Variants in METAP2 observed in about 807,000 individuals in gnomAD.
METAP2 encodes methionine aminopeptidase 2.
A neutral mutation model predicts 59.4 loss-of-function variants in METAP2; 25 were observed. That is an observed-to-expected ratio of 0.42 (90% CI 0.31 to 0.59). The LOEUF (loss-of-function observed/expected upper bound fraction) is 0.59, where lower values mean the gene tolerates loss of function less well. Among genes scored for constraint, METAP2 ranks in the 20% least tolerant of loss-of-function variants. METAP2 has a pLI of 0.16. For missense variants in METAP2, 366 were observed against 581.2 expected (o/e 0.63, Z 3.81); for synonymous variants, 214 against 194.1 (o/e 1.10, Z -0.85).
At chr12:95,479,561 T>G (rs2076143815) in intron 2 of METAP2, among the ~76,000 whole-genome samples, 1 of 152,198 alleles carries the variant, frequency 6.6e-6, no homozygotes. Flanking sequence ...ATTCAATACA[T>G]TTTGAGTCAG....
intron 2 of METAP2, among the ~76,000 whole-genome samples, chr12:95,480,617 A>G (rs1249064091): frequency 6.6e-6 from 1 of 152,110 alleles, no homozygotes; most frequent in Non-Finnish European, 1.5e-5. Flanking sequence ...AATGATATTG[A>G]GCATCTTTTC....
intron 2 of METAP2, among the ~76,000 whole-genome samples, chr12:95,478,169 TCTGTTA>T (rs2076134578): frequency 1.3e-5 from 2 of 152,168 alleles, no homozygotes; most frequent in Admixed American, 6.5e-5. Context: ...GTTATCTTGT[TCTGTTA>T]CATCTCTACA....
At chr12:95,505,937 AC>A (rs201186734) in intron 8 of METAP2, among the ~76,000 whole-genome samples, 4,204 of 151,166 alleles carry the variant, frequency 0.028, 181 homozygotes, top group African/African-American at 0.097. Flanking sequence ...TCTACTAAAT[AC>A]AAAAAAAAAA....
chr12:95,495,729 A>T (rs149542174), intron 6 of METAP2, among the ~76,000 whole-genome samples: 1 of 152,078 alleles, frequency 6.6e-6, no homozygotes. Flanking sequence ...GTTTCTGTTT[A>T]TATGTTTGTA....
chr12:95,495,935 T>G (rs1160524908), intron 6 of METAP2, 69 bp from the exon 7 acceptor site: 4 of 931,458 alleles, frequency 4.3e-6, no homozygotes. Context: ...GATTAATAGA[T>G]TAAATGCTGT....
chr12:95,498,531 C>T (rs565616302), intron 7 of METAP2, among the ~76,000 whole-genome samples: 2 of 152,216 alleles, frequency 1.3e-5, no homozygotes, highest in East Asian at 1.9e-4. Flanking sequence ...GAAGCTTTTA[C>T]TCCGTTTCCT....
intron 4 of METAP2, among the ~76,000 whole-genome samples, chr12:95,493,625 A>G (rs1032859153): frequency 1.3e-5 from 2 of 152,222 alleles, no homozygotes; most frequent in African/African-American, 4.8e-5. Context: ...TTTCCAAGTC[A>G]GTTTCTTGGG....
chr12:95,487,942 A>G (rs762311231), intron 4 of METAP2, among the ~76,000 whole-genome samples: 3 of 152,186 alleles, frequency 2.0e-5, no homozygotes, highest in South Asian at 4.1e-4. Flanking sequence ...AATTTTTGCC[A>G]CTATAAACCA....
intron 4 of METAP2, among the ~76,000 whole-genome samples, chr12:95,491,575 G>GA (rs1304428473): frequency 6.8e-6 from 1 of 147,668 alleles, no homozygotes; most frequent in African/African-American, 2.5e-5. Context: ...CAGTGGTGCA[G>GA]TCTTGGCTCA....
At chr12:95,475,011 C>A (rs1235530239) in intron 1 of METAP2, among the ~76,000 whole-genome samples, 1 of 152,152 alleles carries the variant, frequency 6.6e-6, no homozygotes, top group East Asian at 1.9e-4. Context: ...ATAGGATATT[C>A]TGTGGCTCAG....
intron 4 of METAP2, among the ~76,000 whole-genome samples, chr12:95,487,378 C>G (rs897664796): frequency 6.6e-6 from 1 of 151,992 alleles, no homozygotes; most frequent in African/African-American, 2.4e-5. Context: ...ACCACCTGCT[C>G]CCTCATTTCC....
intron 2 of METAP2, chr12:95,482,205 G>C (rs2076163711): frequency 4.4e-6 from 2 of 450,672 alleles, no homozygotes. Flanking sequence ...GACTTCCCTG[G>C]CTCAGGTGAT....
intron 4 of METAP2, among the ~76,000 whole-genome samples, 156 bp downstream of exon 4, chr12:95,486,137 T>C (rs913075667): frequency 2.6e-5 from 4 of 152,312 alleles, no homozygotes; most frequent in African/African-American, 9.6e-5. Context: ...TTATCCAAAA[T>C]GATTGGGACC....
chr12:95,495,092 A>G lies in METAP2; in HGVS notation c.726A>G (p.Leu242=). The change falls in exon 6 of 11, where the codon TTA becomes TTG. Residue 242 remains leucine, a synonymous_variant. Coordinates refer to ENST00000323666, the MANE Select transcript of METAP2 (RefSeq NM_006838.4). The part of the protein sequence containing the change: ...YTPNAGDTTV[L]QYDDICKIDF... ...CCAATGCCGGTGACACAACAGTATT[A>G]CAGTATGATGACATCTGTAAAATAG... The G allele has an allele frequency of 6.2e-7, 1 of 1,613,712 alleles. No homozygotes were observed. The highest frequency in any genetic ancestry group is 1.1e-5 in the South Asian group (1 of 91,036).
chr12:95,483,936 T>C (rs1026874075), intron 3 of METAP2, among the ~76,000 whole-genome samples: 5 of 152,150 alleles, frequency 3.3e-5, no homozygotes, highest in African/African-American at 9.7e-5. Flanking sequence ...ATAATAACTT[T>C]TATATTGTAC....
At chr12:95,507,706 C>T (rs1387700571) in intron 8 of METAP2, among the ~76,000 whole-genome samples, 1 of 152,174 alleles carries the variant, frequency 6.6e-6, no homozygotes. Flanking sequence ...CTAGTGGCTC[C>T]TCTCAGTGTG....
intron 1 of METAP2, among the ~76,000 whole-genome samples, chr12:95,474,732 G>A (rs1006780436): frequency 2.6e-5 from 4 of 152,172 alleles, no homozygotes; most frequent in African/African-American, 9.6e-5. Flanking sequence ...CGTCTTTGCT[G>A]GTTTGCTGGA....
Position 95,494,999 on chromosome 12 carries a change from T to G in METAP2, c.633T>G (p.Asn211Lys), listed in dbSNP as rs1187705178. ...EDCSRKLIKE[N>K]GLNAGLAFPT... ...GTTCACGCAAGTTAATAAAAGAGAA[T>G]GGATTAAATGCAGGCCTGGCATTTC... Residue 211 changes from asparagine to lysine, a missense_variant, in exon 6 of 11, where the codon AAT becomes AAG. Physicochemically the swap from Asn to Lys is moderately conservative, Grantham distance 94 (BLOSUM62 0). This residue lies in a region of METAP2 where 106 missense variants were observed against 221.9 expected (regional missense o/e 0.48). Transcript: ENST00000323666. The G allele has an allele frequency of 1.2e-6, 2 of 1,613,736 alleles. No homozygotes were observed. The highest frequency in any genetic ancestry group is 2.7e-5 in the African/African-American group (2 of 75,040).
chr12:95,507,048 G>A (rs1225909819), intron 8 of METAP2, among the ~76,000 whole-genome samples: 2 of 151,992 alleles, frequency 1.3e-5, no homozygotes, highest in South Asian at 2.1e-4. Flanking sequence ...GATTACAGGC[G>A]TGAGCCACTG....
Sources: allele counts gnomAD v4.1 joint callset (sites outside exome capture counted in the v4.1 genomes callset), GRCh38; gene constraint gnomAD v4.1.1; regional missense constraint gnomAD v4.1.1; transcripts MANE v1.5; gene names NCBI Gene and HGNC (gene_info 2026-07-23, HGNC 2026-07-21).